KCND2: variants seen among roughly 807,000 people sequenced by gnomAD.
The protein encoded by KCND2 is potassium voltage-gated channel subfamily D member 2.
In KCND2, 16 loss-of-function variants were observed where a neutral mutation model predicts 54.4. The observed-to-expected ratio is 0.29, with a 90% CI of 0.20 to 0.45. KCND2 has a LOEUF of 0.45. Among genes scored for constraint, KCND2 ranks in the 20% least tolerant of loss-of-function variants. The pLI, the probability that KCND2 is intolerant of heterozygous loss-of-function variation, is 1.00. For missense variants in KCND2, 486 were observed against 824.2 expected (o/e 0.59, Z 5.02); for synonymous variants, 317 against 310.7 (o/e 1.02, Z -0.21).
chr7:120,390,461 C>G (rs953531023), intron 1 of KCND2, among the ~76,000 whole-genome samples: 1 of 151,842 alleles, frequency 6.6e-6, no homozygotes, highest in Non-Finnish European at 1.5e-5. Context: ...TTATGAGATA[C>G]CTTAATTATT....
At chr7:120,501,986 T>C (rs1242148058) in intron 1 of KCND2, among the ~76,000 whole-genome samples, 5 of 152,092 alleles carry the variant, frequency 3.3e-5, no homozygotes, top group Admixed American at 3.3e-4. Context: ...GTAGAAAGAA[T>C]ACAGTGTTTT....
chr7:120,444,766 A>G (rs1288720874), intron 1 of KCND2, among the ~76,000 whole-genome samples: 4 of 152,206 alleles, frequency 2.6e-5, no homozygotes, highest in South Asian at 2.1e-4. Flanking sequence ...ATACACTAAA[A>G]CTAACATGAA....
intron 1 of KCND2, among the ~76,000 whole-genome samples, chr7:120,480,871 A>T (rs1317642973): frequency 6.6e-6 from 1 of 152,230 alleles, no homozygotes; most frequent in Admixed American, 6.5e-5. Flanking sequence ...TATAATGAAT[A>T]CTTGAAAATG....
intron 1 of KCND2, among the ~76,000 whole-genome samples, chr7:120,353,133 C>CTTTTTTTTTT (rs72353278): frequency 2.2e-5 from 2 of 91,794 alleles, no homozygotes; most frequent in Non-Finnish European, 3.9e-5. Context: ...AATACTTTTA[C>CTTTTTTTTTT]TTTTTTTTTT....
intron 1 of KCND2, among the ~76,000 whole-genome samples, chr7:120,407,416 A>G (rs1801378542): frequency 6.6e-6 from 1 of 152,062 alleles, no homozygotes; most frequent in African/African-American, 2.4e-5. Flanking sequence ...CACTTCATGC[A>G]TGCAATAATA....
intron 1 of KCND2, among the ~76,000 whole-genome samples, chr7:120,576,734 A>T (rs1160564147): frequency 6.6e-6 from 1 of 152,212 alleles, no homozygotes; most frequent in Non-Finnish European, 1.5e-5. Context: ...GGTGAGAAGA[A>T]TCCACAGATG....
intron 1 of KCND2, among the ~76,000 whole-genome samples, chr7:120,727,160 G>T (rs148972800): frequency 2.0e-5 from 3 of 152,212 alleles, no homozygotes; most frequent in African/African-American, 7.2e-5. Flanking sequence ...GAAACTATAT[G>T]AATAGGACTA....
At chr7:120,661,814 A>G (rs1015098933) in intron 1 of KCND2, among the ~76,000 whole-genome samples, 14 of 152,184 alleles carry the variant, frequency 9.2e-5, no homozygotes, top group African/African-American at 3.4e-4. Context: ...TTGTTGAAAT[A>G]GTGCCTGGAA....
At chr7:120,702,375 A>T (rs1452055576) in intron 1 of KCND2, among the ~76,000 whole-genome samples, 1 of 152,048 alleles carries the variant, frequency 6.6e-6, no homozygotes, top group East Asian at 1.9e-4. Context: ...TGTGGAATGC[A>T]GTGTGGTGAT....
chr7:120,566,724 G>A (rs982260029), intron 1 of KCND2, among the ~76,000 whole-genome samples: 1 of 149,482 alleles, frequency 6.7e-6, no homozygotes, highest in African/African-American at 2.5e-5. Flanking sequence ...TGGCATGACA[G>A]AAATACAGAT....
At chr7:120,577,029 C>A (rs1792443654) in intron 1 of KCND2, among the ~76,000 whole-genome samples, 1 of 151,992 alleles carries the variant, frequency 6.6e-6, no homozygotes, top group South Asian at 2.1e-4. Context: ...CACCTGTAGT[C>A]CCAGCTACTC....
chr7:120,505,504 A>G (rs1803000648), intron 1 of KCND2, among the ~76,000 whole-genome samples: 1 of 151,868 alleles, frequency 6.6e-6, no homozygotes, highest in African/African-American at 2.4e-5. Flanking sequence ...GCATGTTTGT[A>G]ATAAAATAAC....
intron 1 of KCND2, among the ~76,000 whole-genome samples, chr7:120,457,980 A>T (rs1802224178): frequency 6.6e-6 from 1 of 152,176 alleles, no homozygotes; most frequent in African/African-American, 2.4e-5. Context: ...GGGGAAGCAA[A>T]CACTTCCTTA....
intron 1 of KCND2, among the ~76,000 whole-genome samples, chr7:120,644,957 C>A (rs528825421): frequency 6.6e-6 from 1 of 151,084 alleles, no homozygotes; most frequent in Non-Finnish European, 1.5e-5. Flanking sequence ...TTTTTTTTTC[C>A]TATGAAGTTT....
intron 1 of KCND2, among the ~76,000 whole-genome samples, chr7:120,535,878 A>T (rs1280973899): frequency 6.6e-6 from 1 of 152,032 alleles, no homozygotes; most frequent in Non-Finnish European, 1.5e-5. Flanking sequence ...ATAATGCTAG[A>T]TTGTTTTCGT....
chr7:120,446,314 T>C (rs1212591299), intron 1 of KCND2, among the ~76,000 whole-genome samples: 2 of 152,184 alleles, frequency 1.3e-5, no homozygotes, highest in African/African-American at 4.8e-5. Flanking sequence ...ATCATATGCA[T>C]CTTAAGGGCA....
intron 1 of KCND2, among the ~76,000 whole-genome samples, chr7:120,340,205 T>C (rs1800221343): frequency 6.6e-6 from 1 of 152,226 alleles, no homozygotes; most frequent in Non-Finnish European, 1.5e-5. Flanking sequence ...GAAAGGAATA[T>C]AGTAATCCAC....
intron 1 of KCND2, among the ~76,000 whole-genome samples, chr7:120,482,809 A>G (rs1323703090): frequency 6.6e-6 from 1 of 152,200 alleles, no homozygotes; most frequent in Non-Finnish European, 1.5e-5. Context: ...AGCAGCAAAA[A>G]AAACAGGCTA....
intron 1 of KCND2, among the ~76,000 whole-genome samples, chr7:120,311,070 G>A (rs1371980518): frequency 1.3e-5 from 2 of 151,922 alleles, no homozygotes; most frequent in African/African-American, 4.8e-5. Context: ...ATATATTACA[G>A]TTTATATTTT....
Sources: gnomAD v4.1 joint callset for allele counts (sites outside exome capture counted in the v4.1 genomes callset) on GRCh38, gnomAD v4.1.1 for gene constraint, MANE v1.5 for transcripts, NCBI Gene and HGNC (gene_info 2026-07-23, HGNC 2026-07-21) for gene names.